The following SAMD5 variants were observed in gnomAD, a reference collection of about 807,000 sequenced individuals.
SAMD5 encodes sterile alpha motif domain-containing protein 5.
Under a neutral mutation model 11.3 loss-of-function variants are expected in SAMD5, and 13 were observed. The observed-to-expected ratio is 1.15, with a 90% CI of 0.75 to 1.83. The LOEUF (loss-of-function observed/expected upper bound fraction) is 1.83, where lower values mean the gene tolerates loss of function less well. SAMD5 is among the 40% of genes most tolerant of loss of function. The pLI is 0.00. For synonymous variants in SAMD5, 129 were observed against 111.3 expected, an observed-to-expected ratio of 1.16 and a Z score of -1.00; for missense variants, 255 against 239.1, an observed-to-expected ratio of 1.07 and a Z score of -0.44.
chr6:147,908,403 A>T, the SAMD5 span, among the ~76,000 whole-genome samples: 1 of 151,916 alleles, frequency 6.6e-6, no homozygotes, highest in Non-Finnish European at 1.5e-5. Context: ...CTGCTTGTGA[A>T]CTCTGGTTTT....
At chr6:147,586,423 GCCCTC>G (rs1789374905) in intron 1 of SAMD5, among the ~76,000 whole-genome samples, 1 of 152,036 alleles carries the variant, frequency 6.6e-6, no homozygotes, top group Admixed American at 6.6e-5. Context: ...ATATGCTTGT[GCCCTC>G]CACAAGGGAA....
intron 1 of SAMD5, among the ~76,000 whole-genome samples, chr6:147,654,504 C>CTTATTA (rs144262697): frequency 6.6e-6 from 1 of 151,794 alleles, no homozygotes; most frequent in East Asian, 1.9e-4. Flanking sequence ...TGCTACATGG[C>CTTATTA]TTATTATTAT....
chr6:147,860,658 T>C, the SAMD5 span, among the ~76,000 whole-genome samples: 5 of 152,170 alleles, frequency 3.3e-5, no homozygotes, highest in Admixed American at 1.3e-4. Context: ...TTTGGATGAA[T>C]TGGAAAAGAA....
chr6:147,755,350 T>A, the SAMD5 span, among the ~76,000 whole-genome samples: 169 of 152,232 alleles, frequency 1.1e-3, no homozygotes, highest in African/African-American at 3.9e-3. Flanking sequence ...TTAATTTCTT[T>A]TTTAGTACAG....
At chr6:147,928,483 AT>A in the SAMD5 span, among the ~76,000 whole-genome samples, 2 of 151,846 alleles carry the variant, frequency 1.3e-5, no homozygotes, top group Non-Finnish European at 2.9e-5. Flanking sequence ...TTTGATAGTT[AT>A]TTTTATTTCT....
the SAMD5 span, among the ~76,000 whole-genome samples, chr6:147,816,301 A>AAAATATATATATATATATAT: frequency 7.5e-5 from 5 of 66,352 alleles, no homozygotes; most frequent in African/African-American, 5.1e-4. Flanking sequence ...AAAAAAAAAA[A>AAAATATATATATATATATAT]ATATATATAT....
downstream of SAMD5, among the ~76,000 whole-genome samples, chr6:147,737,943 A>C (rs1302611819): frequency 6.6e-6 from 1 of 152,154 alleles, no homozygotes; most frequent in African/African-American, 2.4e-5. Context: ...ACGGAGGATA[A>C]AGAGAGGGGT....
intron 1 of SAMD5, among the ~76,000 whole-genome samples, chr6:147,580,648 TTAAA>T (rs1789283593): frequency 1.3e-5 from 2 of 152,220 alleles, no homozygotes; most frequent in African/African-American, 4.8e-5. Flanking sequence ...TTCATTTTAA[TTAAA>T]TAGTCATGTA....
chr6:147,715,550 G>A (rs1006384116), intron 1 of SAMD5, among the ~76,000 whole-genome samples: 1 of 152,208 alleles, frequency 6.6e-6, no homozygotes, highest in African/African-American at 2.4e-5. Context: ...CCAAAGGGCT[G>A]CAGCTCTTCT....
the SAMD5 span, among the ~76,000 whole-genome samples, chr6:147,807,567 AT>A: frequency 1.3e-5 from 2 of 152,306 alleles, no homozygotes; most frequent in South Asian, 2.1e-4. Flanking sequence ...CTAAAAAAAA[AT>A]CTTTGGTCTT....
At chr6:147,837,787 G>A in the SAMD5 span, among the ~76,000 whole-genome samples, 1 of 152,150 alleles carries the variant, frequency 6.6e-6, no homozygotes, top group African/African-American at 2.4e-5. Context: ...TTGGAGTAGG[G>A]TTTTCTTTCA....
intron 1 of SAMD5, among the ~76,000 whole-genome samples, chr6:147,617,205 T>C (rs1209413417): frequency 1.3e-5 from 2 of 152,170 alleles, no homozygotes; most frequent in African/African-American, 2.4e-5. Flanking sequence ...AATTGGAGAT[T>C]TGCAGAATTA....
chr6:147,535,570 T>G (rs1357370548), intron 1 of SAMD5, among the ~76,000 whole-genome samples: 3 of 152,244 alleles, frequency 2.0e-5, no homozygotes, highest in Non-Finnish European at 4.4e-5. Flanking sequence ...TAGAACTGAT[T>G]TGTTTACAAA....
chr6:147,790,738 C>T, the SAMD5 span, among the ~76,000 whole-genome samples: 1 of 130,612 alleles, frequency 7.7e-6, no homozygotes, highest in African/African-American at 3.1e-5. Context: ...GTCGATCTCT[C>T]TCTCTCTCTC....
chr6:147,522,422 C>A lies in SAMD5; in HGVS notation c.459+13035C>A, dbSNP rs139345420. On this transcript the variant is annotated intron_variant, in intron 1 of 1. Coordinates refer to ENST00000367474, the MANE Select transcript of SAMD5 (RefSeq NM_001030060.3). The stretch of plus-strand genomic sequence containing the variant: ...TTTTATTGGGATTGAATATTTAATC[C>A]TATGAAACATCTTTTAGGCAACTTA... Among the ~76,000 whole-genome samples, 9 of 152,158 alleles carry A rather than the reference C, an allele frequency of 5.9e-5. No individual in the cohort carries two copies. The South Asian group carries it at 1.9e-3, about 32-fold the overall frequency.
At chr6:147,746,469 G>A in the SAMD5 span, among the ~76,000 whole-genome samples, 26 of 152,146 alleles carry the variant, frequency 1.7e-4, no homozygotes, top group African/African-American at 6.0e-4. Context: ...AGATTTTATG[G>A]TACTTACTTT....
intron 1 of SAMD5, among the ~76,000 whole-genome samples, chr6:147,510,693 T>G (rs1788075086): frequency 6.6e-6 from 1 of 152,216 alleles, no homozygotes; most frequent in Non-Finnish European, 1.5e-5. Flanking sequence ...GGTTTAATAT[T>G]ATCTACTACC....
chr6:147,786,262 A>G, the SAMD5 span, among the ~76,000 whole-genome samples: 3 of 152,186 alleles, frequency 2.0e-5, no homozygotes, highest in African/African-American at 7.2e-5. Flanking sequence ...GTTTTGATGG[A>G]TTGCCTATGC....
intron 1 of SAMD5, among the ~76,000 whole-genome samples, chr6:147,672,330 G>T (rs1216503103): frequency 6.6e-6 from 1 of 151,974 alleles, no homozygotes; most frequent in African/African-American, 2.4e-5. Context: ...CTTGGATTGA[G>T]AAATTCTTTA....
Sources: gnomAD v4.1 joint callset for allele counts (sites outside exome capture counted in the v4.1 genomes callset) on GRCh38, gnomAD v4.1.1 for gene constraint, MANE v1.5 for transcripts, NCBI Gene and HGNC (gene_info 2026-07-23, HGNC 2026-07-21) for gene names.